PRIM2: variants seen among roughly 807,000 people sequenced by gnomAD.
PRIM2 encodes the protein DNA primase subunit 2.
A neutral mutation model predicts 67.3 loss-of-function variants in PRIM2; 39 were observed. The observed-to-expected ratio is 0.58, with a 90% CI of 0.45 to 0.76. The LOEUF is 0.76. PRIM2 is among the 30% of genes least tolerant of loss of function. PRIM2 has a pLI of 0.00. For synonymous variants in PRIM2, 143 were observed against 198.7 expected (o/e 0.72, Z 2.36); for missense variants, 398 against 598.7 (o/e 0.66, Z 3.50).
chr6:57,380,327 ACT>A (rs1489401180), intron 6 of PRIM2, among the ~76,000 whole-genome samples: 8 of 151,506 alleles, frequency 5.3e-5, no homozygotes, highest in African/African-American at 1.7e-4. Flanking sequence ...TTGGCCCAAC[ACT>A]CTGTTTGGAT....
intron 7 of PRIM2, among the ~76,000 whole-genome samples, chr6:57,401,523 T>A (rs1388691444): frequency 6.6e-6 from 1 of 152,168 alleles, no homozygotes; most frequent in Non-Finnish European, 1.5e-5. Context: ...CCTCTTAATG[T>A]GTGGGGTCCT....
rs1156576933 is a variant in PRIM2, at chr6:57,642,435, C to CTTTTTTTTTTT, written c.1300-3478_1300-3468dup. 3.0e-3 allele frequency among the ~76,000 whole-genome samples: 249 copies of CTTTTTTTTTTT among 83,170 alleles called. 17 individuals carry two copies. The highest frequency in any genetic ancestry group is 4.4e-3 in the East Asian group (11 of 2,498). The allele number at this position is 83,170 out of a possible 152,430, so 54.6% of individuals were successfully genotyped here. ...TATGCACATACCTTAAATATTATAT[C>CTTTTTTTTTTT]TTTTTTTTTTTTTTTTTTTTTTTTT... On this transcript the variant is annotated intron_variant, in intron 13 of 13. Coordinates refer to ENST00000615550, the MANE Select transcript of PRIM2 (RefSeq NM_000947.5).
intron 12 of PRIM2, among the ~76,000 whole-genome samples, chr6:57,630,522 T>G (rs1777022420): frequency 6.6e-6 from 1 of 152,026 alleles, no homozygotes; most frequent in Admixed American, 6.6e-5. Flanking sequence ...AATTTTTTAT[T>G]AATATGATTT....
chr6:57,278,151 AC>A, the PRIM2 span, among the ~76,000 whole-genome samples: 34 of 150,950 alleles, frequency 2.3e-4, no homozygotes, highest in African/African-American at 7.9e-4. Flanking sequence ...ACATGGTGAA[AC>A]CCTGTCTCTA....
chr6:57,369,336 C>T (rs1412582272), intron 5 of PRIM2, among the ~76,000 whole-genome samples: 2 of 152,180 alleles, frequency 1.3e-5, no homozygotes, highest in African/African-American at 4.8e-5. Flanking sequence ...GTTAGCAAGG[C>T]AGCATATAAA....
At chr6:57,483,246 A>G (rs1204240120) in intron 7 of PRIM2, among the ~76,000 whole-genome samples, 1 of 152,074 alleles carries the variant, frequency 6.6e-6, no homozygotes, top group African/African-American at 2.4e-5. Context: ...ATTCTAGATT[A>G]TTTATTTCCA....
intron 7 of PRIM2, among the ~76,000 whole-genome samples, chr6:57,436,076 C>T (rs146343678): frequency 1.8e-4 from 28 of 152,308 alleles, no homozygotes; most frequent in Admixed American, 7.2e-4. Context: ...CTTCTCCCAT[C>T]TCCTCTTTTT....
intron 7 of PRIM2, among the ~76,000 whole-genome samples, chr6:57,447,941 A>G (rs1772418172): frequency 6.6e-6 from 1 of 152,214 alleles, no homozygotes. Context: ...ATAGAGAGAA[A>G]AATATTCCCA....
chr6:57,355,031 C>T (rs775371216), intron 5 of PRIM2, among the ~76,000 whole-genome samples: 3 of 152,286 alleles, frequency 2.0e-5, no homozygotes, highest in East Asian at 1.9e-4. Context: ...GGGCTGGGCG[C>T]GGTGGCTCAC....
At chr6:57,352,729 G>GTTT (rs34478755) in intron 5 of PRIM2, among the ~76,000 whole-genome samples, 1 of 150,926 alleles carries the variant, frequency 6.6e-6, no homozygotes, top group African/African-American at 2.4e-5. Flanking sequence ...CCGTTTTTTA[G>GTTT]TTTTTTTTTC....
At chr6:57,409,327 C>T (rs1380818369) in intron 7 of PRIM2, among the ~76,000 whole-genome samples, 1 of 152,092 alleles carries the variant, frequency 6.6e-6, no homozygotes, top group Non-Finnish European at 1.5e-5. Context: ...AGGTGCCCAC[C>T]ACCGCACCGG....
At chr6:57,331,407 G>A (rs1448187772) in intron 5 of PRIM2, among the ~76,000 whole-genome samples, 3 of 152,064 alleles carry the variant, frequency 2.0e-5, no homozygotes, top group Non-Finnish European at 4.4e-5. Context: ...TTTGGTATTA[G>A]GATCATATTG....
chr6:57,266,276 T>G, the PRIM2 span, among the ~76,000 whole-genome samples: 2 of 152,198 alleles, frequency 1.3e-5, no homozygotes, highest in Non-Finnish European at 2.9e-5. Context: ...ATGTGAAAAC[T>G]TGGCCATTTG....
At chr6:57,454,419 G>T (rs1445741401) in intron 7 of PRIM2, among the ~76,000 whole-genome samples, 3 of 152,046 alleles carry the variant, frequency 2.0e-5, no homozygotes, top group African/African-American at 7.2e-5. Context: ...TCTGGTCCTG[G>T]ACTTTTTTTT....
At chr6:57,317,283 C>T (rs1767509065), upstream of PRIM2, among the ~76,000 whole-genome samples, 1 of 152,146 alleles carries the variant, frequency 6.6e-6, no homozygotes, top group Admixed American at 6.5e-5. Context: ...GTTAAAGCGC[C>T]ATATTTTCCT....
At chr6:57,414,608 A>C (rs1407204254) in intron 7 of PRIM2, among the ~76,000 whole-genome samples, 7 of 152,124 alleles carry the variant, frequency 4.6e-5, no homozygotes, top group African/African-American at 1.7e-4. Flanking sequence ...TTTGTTACTA[A>C]CCTGGTAAAG....
the PRIM2 span, among the ~76,000 whole-genome samples, chr6:57,256,631 T>TACACACACAC: frequency 1.4e-5 from 2 of 140,940 alleles, no homozygotes; most frequent in African/African-American, 5.3e-5. Flanking sequence ...CTCTTTCTCT[T>TACACACACAC]ACACACACAC....
At chr6:57,247,880 C>CATG in the PRIM2 span, among the ~76,000 whole-genome samples, 1 of 152,096 alleles carries the variant, frequency 6.6e-6, no homozygotes, top group Admixed American at 6.5e-5. Flanking sequence ...AGTGGGTGAG[C>CATG]ATGAGTTTCA....
chr6:57,271,631 G>C, the PRIM2 span, among the ~76,000 whole-genome samples: 333 of 152,176 alleles, frequency 2.2e-3, no homozygotes, highest in African/African-American at 7.0e-3. Context: ...ATTTCCTTCA[G>C]TTCTGCCCTG....
Sources: allele counts gnomAD v4.1 joint callset (sites outside exome capture counted in the v4.1 genomes callset), GRCh38; gene constraint gnomAD v4.1.1; transcripts MANE v1.5; gene names NCBI Gene and HGNC (gene_info 2026-07-23, HGNC 2026-07-21).